The following ZNF236 variants were observed in gnomAD, a reference collection of about 807,000 sequenced individuals.
The protein encoded by ZNF236 is zinc finger protein 236.
A neutral mutation model predicts 191.2 loss-of-function variants in ZNF236; 50 were observed. The observed-to-expected ratio is 0.26, with a 90% CI of 0.21 to 0.33. The LOEUF (loss-of-function observed/expected upper bound fraction) is 0.33, where lower values mean the gene tolerates loss of function less well. Among genes scored for constraint, ZNF236 ranks in the 10% least tolerant of loss-of-function variants. ZNF236 has a pLI of 1.00. For missense variants in ZNF236, 1,754 were observed against 2,374.5 expected, an observed-to-expected ratio of 0.74 and a Z score of 5.43; for synonymous variants, 907 against 928.8, an observed-to-expected ratio of 0.98 and a Z score of 0.43.
chr18:76,834,587 T>C (rs1209600661), intron 1 of ZNF236: 5 of 471,704 alleles, frequency 1.1e-5, no homozygotes, highest in Admixed American at 4.7e-5. Context: ...GTGTGCACAG[T>C]TGGGGTGAAT....
chr18:76,970,564 G>T lies in ZNF236; in HGVS notation c.*2225G>T, dbSNP rs1474881979. ...TTACTTGAATCTTTGTGGGGTACAG[G>T]TTGATCTTTATATTTTACTGGTTGT... On this transcript the variant is annotated 3_prime_UTR_variant, in exon 31 of 31. Coordinates refer to ENST00000320610, the MANE Select transcript of ZNF236 (RefSeq NM_001306089.2). The T allele has an allele frequency of 6.6e-6, 1 of 152,574 alleles. No homozygotes were observed. Among genetic ancestry groups the T allele is most frequent in the Non-Finnish European group, 1.5e-5 (1 of 68,020 alleles). 9.5% of individuals were successfully genotyped at this position (152,574 alleles called of 1,614,324 possible).
At position 76,931,959 on chromosome 18, in the gene ZNF236, T is replaced by C. The variant is rs369712652; in HGVS notation, c.4594+3853T>C. On this transcript the variant is annotated intron_variant, in intron 25 of 30. Coordinates refer to ENST00000320610, the MANE Select transcript of ZNF236 (RefSeq NM_001306089.2). ...CCTCTTTTCATGCTTCATTCTTAAT[T>C]GAAACGACCTCTTGTCCCGTAGTTC... Among the ~76,000 whole-genome samples the C allele has an allele frequency of 2.5e-4, 38 of 152,358 alleles. No homozygotes were observed. The East Asian group carries it at 4.6e-3, about 19-fold the overall frequency.
rs745514547 is a variant in ZNF236, at chr18:76,871,735, G to C, written c.577G>C (p.Asp193His). The C allele has an allele frequency of 6.2e-7, 1 of 1,614,006 alleles. No individual in the cohort carries two copies. The highest frequency in any genetic ancestry group is 1.7e-5 in the Admixed American group (1 of 59,978). Residue 193 changes from aspartate (D) to histidine (H), a missense_variant, in exon 5 of 31, where the codon GAC (aspartate) becomes CAC (histidine). Coordinates refer to ENST00000320610, the MANE Select transcript of ZNF236 (RefSeq NM_001306089.2). ...SSTRSYNRNI[D>H]RSGFTYSCPH... ...TACAAGGTCTTATAACCGGAATATC[G>C]ACAGAAGTGGATTCACGTATTCGTG...
rs201099988 is a variant in ZNF236 at position 76,956,086 on chromosome 18, G to A, written c.5016G>A (p.Ala1672=). The change falls in exon 28 of 31, where the codon GCG becomes GCA. Residue 1672 remains alanine, a synonymous_variant. Transcript: ENST00000320610. ...LECDRAFSSA[A]VLMHHSKEVH... ...GTGACCGCGCCTTCTCATCGGCGGC[G>A]GTGCTCATGCACCACAGCAAGGAGG... 2.4e-4 allele frequency: 381 copies of A among 1,593,760 alleles called. 1 individual carries two copies. In the African/African-American group the frequency reaches 3.2e-3, roughly 14 times the overall value.
At position 76,927,110 on chromosome 18, in the gene ZNF236, T is replaced by G. The variant is rs1274860384; in HGVS notation, c.4101T>G (p.Ala1367=). ...TAGAAGGCATCCAGTTACAGTTGGC[T>G]GCTAACTTGGTTGGACCAAATGTAC... is the stretch of plus-strand genomic sequence containing the variant. ...ATLEGIQLQL[A]ANLVGPNVQI... The change falls in exon 23 of 31, where the codon GCT becomes GCG. Residue 1367 remains alanine (A), a synonymous_variant. Coordinates refer to ENST00000320610, the MANE Select transcript of ZNF236 (RefSeq NM_001306089.2). The surrounding 1 kb of genome is among the most constrained non-coding windows in gnomAD (Gnocchi z 5.4). 1.2e-6 allele frequency: 2 copies of G among 1,614,152 alleles called. No homozygotes were observed. Among genetic ancestry groups the G allele is most frequent in the South Asian group, 1.1e-5 (1 of 91,086 alleles).
intron 3 of ZNF236, among the ~76,000 whole-genome samples, chr18:76,862,876 C>T (rs1976284873): frequency 1.3e-5 from 2 of 152,136 alleles, no homozygotes; most frequent in African/African-American, 4.8e-5. Flanking sequence ...ACAGTCCCTG[C>T]TGGAACAAGG....
intron 28 of ZNF236, among the ~76,000 whole-genome samples, chr18:76,956,541 G>C (rs1045252619): frequency 6.6e-6 from 1 of 152,220 alleles, no homozygotes; most frequent in Non-Finnish European, 1.5e-5. Flanking sequence ...ACTGTGACTT[G>C]GTTGGACTTT....
At position 76,936,471 on chromosome 18, in the gene ZNF236, G is replaced by A. The variant is rs576589410; in HGVS notation, c.4595-685G>A. The A allele has an allele frequency of 7.5e-4, 338 of 452,610 alleles. 7 individuals are homozygous for A. The highest frequency in any genetic ancestry group is 4.0e-3 in the South Asian group (255 of 63,286). The allele number at this position is 452,610 out of a possible 1,614,324, so 28.0% of individuals were successfully genotyped here. Reference sequence around the variant, plus strand: ...AGCCCTTTCTTCACCAGATACTTTCGTTTCTCTTAGTATCGGCTGCAAGGG... The same window carrying A: ...AGCCCTTTCTTCACCAGATACTTTCATTTCTCTTAGTATCGGCTGCAAGGG... On this transcript the variant is annotated intron_variant, in intron 25 of 30. Transcript: ENST00000320610.
At chr18:76,943,173 A>G (rs1227724275) in intron 26 of ZNF236, among the ~76,000 whole-genome samples, 4 of 152,046 alleles carry the variant, frequency 2.6e-5, no homozygotes. Context: ...TAATAGCAAA[A>G]AATTTGGAAT....
chr18:76,891,817 C>T (rs968519916), intron 9 of ZNF236, among the ~76,000 whole-genome samples: 2 of 151,970 alleles, frequency 1.3e-5, no homozygotes, highest in Non-Finnish European at 2.9e-5. Context: ...ACTCCCAAAT[C>T]GATATATGTC....
chr18:76,882,250 T>C (rs937420221), intron 9 of ZNF236, among the ~76,000 whole-genome samples: 3 of 152,208 alleles, frequency 2.0e-5, no homozygotes, highest in African/African-American at 4.8e-5. Flanking sequence ...GCATCTTCAG[T>C]GCTCCGTCAT....
intron 26 of ZNF236, among the ~76,000 whole-genome samples, chr18:76,944,495 A>T (rs555571785): frequency 6.6e-6 from 1 of 152,316 alleles, no homozygotes; most frequent in African/African-American, 2.4e-5. Flanking sequence ...TTGCATTAAG[A>T]ATACTTAAGG....
At chr18:76,953,359 C>T (rs369294047) in intron 27 of ZNF236, among the ~76,000 whole-genome samples, 15 of 152,274 alleles carry the variant, frequency 9.9e-5, no homozygotes, top group African/African-American at 2.4e-4. Flanking sequence ...AGAAAAGAGC[C>T]GACACTTGCT....
intron 1 of ZNF236, among the ~76,000 whole-genome samples, chr18:76,832,381 A>G (rs1975195077): frequency 6.6e-6 from 1 of 151,802 alleles, no homozygotes; most frequent in African/African-American, 2.4e-5. Context: ...GTGCCCAGCT[A>G]TACGTCTCAC....
chr18:76,896,616 C>T (rs1977424411), intron 10 of ZNF236, among the ~76,000 whole-genome samples: 1 of 150,536 alleles, frequency 6.6e-6, no homozygotes, highest in Non-Finnish European at 1.5e-5. Flanking sequence ...CAGTACTGCA[C>T]ACAGGTGTCA....
chr18:76,924,340 C>T (rs1380859304), intron 21 of ZNF236, among the ~76,000 whole-genome samples: 2 of 152,140 alleles, frequency 1.3e-5, no homozygotes, highest in African/African-American at 2.4e-5. Flanking sequence ...TGGAGTTCAG[C>T]GTAGGCCACG....
intron 4 of ZNF236, among the ~76,000 whole-genome samples, chr18:76,870,812 A>T (rs1277550000): frequency 6.6e-6 from 1 of 152,144 alleles, no homozygotes; most frequent in African/African-American, 2.4e-5. Flanking sequence ...AGAAGCAGGA[A>T]GGTGGCTGGG....
At chr18:76,888,878 C>T (rs1977143491) in intron 9 of ZNF236, among the ~76,000 whole-genome samples, 2 of 152,242 alleles carry the variant, frequency 1.3e-5, no homozygotes, top group African/African-American at 4.8e-5. Flanking sequence ...CGTCCTTGTC[C>T]TCCTGACGGC....
At chr18:76,867,651 G>A (rs897127994) in intron 3 of ZNF236, among the ~76,000 whole-genome samples, 1 of 152,188 alleles carries the variant, frequency 6.6e-6, no homozygotes, top group Non-Finnish European at 1.5e-5. Flanking sequence ...GTAATTGTGT[G>A]ATGGAACTCC....
Sources: allele counts gnomAD v4.1 joint callset (sites outside exome capture counted in the v4.1 genomes callset), GRCh38; gene constraint gnomAD v4.1.1; non-coding constraint Gnocchi (gnomAD v3.1); transcripts MANE v1.5; gene names NCBI Gene and HGNC (gene_info 2026-07-23, HGNC 2026-07-21).